The following RSPO1 variants were observed in gnomAD, a reference collection of about 807,000 sequenced individuals.
RSPO1 encodes R-spondin 1.
A neutral mutation model predicts 26.0 loss-of-function variants in RSPO1; 18 were observed. The ratio of observed to expected loss-of-function variants is 0.69; its 90% CI spans 0.48 to 1.03. The LOEUF is 1.03. RSPO1 is among the 50% of genes least tolerant of loss of function. The pLI is 0.00. For missense variants in RSPO1, 309 were observed against 352.3 expected, an observed-to-expected ratio of 0.88 and a Z score of 0.98; for synonymous variants, 133 against 137.4, an observed-to-expected ratio of 0.97 and a Z score of 0.22.
intron 1 of RSPO1, among the ~76,000 whole-genome samples, chr1:37,632,948 G>C (rs1644381001): frequency 6.6e-6 from 1 of 152,138 alleles, no homozygotes; most frequent in South Asian, 2.1e-4. Context: ...GGCACTGGCA[G>C]TTTATGTTTT....
intron 4 of RSPO1, among the ~76,000 whole-genome samples, chr1:37,615,286 G>C (rs1324062957): frequency 6.6e-6 from 1 of 152,136 alleles, no homozygotes; most frequent in Non-Finnish European, 1.5e-5. Flanking sequence ...TCTGATTCCT[G>C]GGTTTGGTTG....
chr1:37,619,920 T>G (rs1644175021), intron 3 of RSPO1, among the ~76,000 whole-genome samples: 1 of 152,016 alleles, frequency 6.6e-6, no homozygotes. Context: ...TCTAAGTTTT[T>G]GTATTTTTAG....
rs779977844 is a variant in RSPO1 at position 37,616,556 on chromosome 1, C to T, written c.214G>A (p.Val72Met). Residue 72 changes from valine to methionine, a missense_variant, in exon 4 of 7, where the codon GTG (valine) becomes ATG (methionine). Transcript: ENST00000356545. ...GGGCAGGACGGCAAGCAGACGCCCA[C>T]CTGGCGGATGTCGTTCCTCTCCAGC... ...ILLERNDIRQ[V>M]GVCLPSCPPG... 1.4e-5 allele frequency: 22 copies of T among 1,614,102 alleles called. No individual in the cohort carries two copies. Among genetic ancestry groups the T allele is most frequent in the East Asian group, 2.2e-5 (1 of 44,894 alleles).
At chr1:37,618,988 GAGATGGGT>G (rs1286636646) in intron 3 of RSPO1, among the ~76,000 whole-genome samples, 2 of 152,192 alleles carry the variant, frequency 1.3e-5, no homozygotes, top group Admixed American at 1.3e-4. Context: ...TTGGGAGGCT[GAGATGGGT>G]GGATCACCTG....
rs1185610473 is a variant in RSPO1 at position 37,611,970 on chromosome 1, A to G, written c.*785T>C. The G allele has an allele frequency of 3.9e-5, 6 of 152,152 alleles. No homozygotes were observed. Among genetic ancestry groups the G allele is most frequent in the Non-Finnish European group, 5.9e-5 (4 of 68,058 alleles). 9.4% of individuals were successfully genotyped at this position (152,152 alleles called of 1,614,324 possible). A position where few individuals can be genotyped will look rare whatever the true frequency, so the allele number is the denominator to read the frequency against. On this transcript the variant is annotated 3_prime_UTR_variant, in exon 7 of 7. Coordinates refer to ENST00000356545, the MANE Select transcript of RSPO1 (RefSeq NM_001242908.2). ...CATGCTCTGAGTAACAAGGATATAG[A>G]CAGCCTGTTTACCACCGTCAGAGCA...
In RSPO1 at chr1:37,613,468, C is replaced by T. The variant is rs985420347; in HGVS notation, c.625+236G>A. The stretch of plus-strand genomic sequence containing the variant: ...CACTAGCTCAGAAGAAATGGGGGAA[C>T]CGGAAGGATGTTGACCACAGAAGCT... On this transcript the variant is annotated intron_variant, in intron 6 of 6. Coordinates refer to ENST00000356545, the MANE Select transcript of RSPO1 (RefSeq NM_001242908.2). The surrounding 1 kb of genome is among the most constrained non-coding windows in gnomAD (Gnocchi z 4.5). 1.3e-5 allele frequency among the ~76,000 whole-genome samples: 2 copies of T among 152,208 alleles called. No homozygotes were observed. The highest frequency in any genetic ancestry group is 1.3e-4 in the Admixed American group (2 of 15,278).
chr1:37,612,329 C>T lies in RSPO1; in HGVS notation c.*426G>A, dbSNP rs114357658. 2.7e-3 allele frequency: 597 copies of T among 221,930 alleles called. 1 individual carries two copies. Among genetic ancestry groups the T allele is most frequent in the Non-Finnish European group, 3.6e-3 (398 of 109,724 alleles). 13.7% of individuals were successfully genotyped at this position (221,930 alleles called of 1,614,324 possible). ...CACCAGCAGTCCTCAAGCTTGGCTC[C>T]CATCTGCCACAGTGGCTGGTCCGAT... is the stretch of plus-strand genomic sequence containing the variant. On this transcript the variant is annotated 3_prime_UTR_variant, in exon 7 of 7. Coordinates refer to ENST00000356545, the MANE Select transcript of RSPO1 (RefSeq NM_001242908.2).
intron 3 of RSPO1, among the ~76,000 whole-genome samples, chr1:37,617,795 C>A (rs1203349788): frequency 6.6e-6 from 1 of 151,676 alleles, no homozygotes; most frequent in Non-Finnish European, 1.5e-5. Flanking sequence ...CTTCCATGGA[C>A]CTTGCGCAGT....
At chr1:37,625,770 C>T (rs1644266697) in intron 3 of RSPO1, among the ~76,000 whole-genome samples, 1 of 152,016 alleles carries the variant, frequency 6.6e-6, no homozygotes, top group Non-Finnish European at 1.5e-5. Context: ...CCTCCGCCTC[C>T]CAGGTACAAG....
At position 37,614,327 on chromosome 1, in the gene RSPO1, T is replaced by C. The variant is rs1220776536; in HGVS notation, c.293A>G (p.Lys98Arg). The change falls in exon 5 of 7, where the codon AAG becomes AGG. Residue 98 changes from lysine to arginine, a missense_variant. By Grantham distance (26) the Lys-to-Arg change is conservative (BLOSUM62 2). Coordinates refer to ENST00000356545, the MANE Select transcript of RSPO1 (RefSeq NM_001242908.2). ...GAAGCAGGCCTCACAGTGCTCGATCTTGCATTCTGAGGAGAGGACAGATTG... is the reference window on the plus strand; with the variant it reads ...GAAGCAGGCCTCACAGTGCTCGATCCTGCATTCTGAGGAGAGGACAGATTG... ...NPDMNKCIKCKIEHCEACFSH... is the reference protein window; with the variant it reads ...NPDMNKCIKCRIEHCEACFSH... The C allele has an allele frequency of 6.2e-7, 1 of 1,613,662 alleles. No individual in the cohort carries two copies. The highest frequency in any genetic ancestry group is 2.2e-5 in the East Asian group (1 of 44,882).
chr1:37,617,661 C>CAAAAAA lies in RSPO1; in HGVS notation c.95-992_95-987dup, dbSNP rs34856591. Among the ~76,000 whole-genome samples the CAAAAAA allele has an allele frequency of 8.8e-4, 32 of 36,344 alleles. 4 individuals carry two copies. Among genetic ancestry groups the CAAAAAA allele is most frequent in the East Asian group, 1.9e-3 (2 of 1,028 alleles). 23.8% of individuals were successfully genotyped at this position (36,344 alleles called of 152,430 possible). A position where few individuals can be genotyped will look rare whatever the true frequency, so the allele number is the denominator to read the frequency against. On this transcript the variant is annotated intron_variant, in intron 3 of 6. Transcript: ENST00000356545. Reference sequence around the variant, plus strand: ...CGGATGACAGAGCAAGACTCCATCTCAAAAAAAAAAAAAAAAAAAAAAAAA... The same window carrying CAAAAAA: ...CGGATGACAGAGCAAGACTCCATCTCAAAAAAAAAAAAAAAAAAAAAAAAAAAAAAA...
rs1644304726 is a variant in RSPO1, at chr1:37,628,103, A to G, written c.94+1465T>C. On this transcript the variant is annotated intron_variant, in intron 3 of 6. Coordinates refer to ENST00000356545, the MANE Select transcript of RSPO1 (RefSeq NM_001242908.2). ...GTGACCTCTGGTTTAGCCAGGCATG[A>G]GGCTCTGCATGGGTGAGGGTCAGCG... Among the ~76,000 whole-genome samples the G allele has an allele frequency of 2.0e-5, 3 of 152,330 alleles. No individual in the cohort carries two copies. In the South Asian group the frequency reaches 6.2e-4, roughly 32 times the overall value.
chr1:37,621,513 A>G (rs545691874), intron 3 of RSPO1, among the ~76,000 whole-genome samples: 53 of 152,212 alleles, frequency 3.5e-4, no homozygotes, highest in African/African-American at 1.2e-3. Context: ...TGATGCATTC[A>G]ACAAGAGGGG....
At chr1:37,632,792 G>T (rs538351866) in intron 1 of RSPO1, among the ~76,000 whole-genome samples, 1 of 152,180 alleles carries the variant, frequency 6.6e-6, no homozygotes, top group African/African-American at 2.4e-5. Context: ...CCCCATATGC[G>T]CACACACAGG....
chr1:37,623,709 C>G (rs1644235969), intron 3 of RSPO1, among the ~76,000 whole-genome samples: 1 of 150,552 alleles, frequency 6.6e-6, no homozygotes, highest in South Asian at 2.1e-4. Flanking sequence ...AAGACCCCAC[C>G]TCAAAAGGAA....
At position 37,626,068 on chromosome 1, in the gene RSPO1, C is replaced by T. The variant is rs72929305; in HGVS notation, c.94+3500G>A. ...GTTTGCTTCCCGCCTCAAGCCACCT[C>T]CCCCACCCTCTATGCAGCTGGGCTC... On this transcript the variant is annotated intron_variant, in intron 3 of 6. Coordinates refer to ENST00000356545, the MANE Select transcript of RSPO1 (RefSeq NM_001242908.2). Among the ~76,000 whole-genome samples, 268 of 152,220 alleles carry T rather than the reference C, an allele frequency of 1.8e-3. 1 individual carries two copies. Among genetic ancestry groups the T allele is most frequent in the African/African-American group, 6.2e-3 (258 of 41,536 alleles).
chr1:37,626,098 C>T (rs562404053), intron 3 of RSPO1, among the ~76,000 whole-genome samples: 1 of 152,096 alleles, frequency 6.6e-6, no homozygotes. Flanking sequence ...GGGCTCTGGG[C>T]TCCTTGATGA....
Position 37,616,479 on chromosome 1 carries a change from C to T in RSPO1, c.286+5G>A. Reference sequence around the variant, plus strand: ...CCTGCCCCCGACAGCCCTGCCCACACTCACTGATGCACTTGTTCATGTCGG... The same window carrying T: ...CCTGCCCCCGACAGCCCTGCCCACATTCACTGATGCACTTGTTCATGTCGG... On this transcript the variant is annotated splice_donor_5th_base_variant and intron_variant, in intron 4 of 6. Transcript: ENST00000356545. The T allele has an allele frequency of 6.2e-7, 1 of 1,614,032 alleles. No individual in the cohort carries two copies. The highest frequency in any genetic ancestry group is 8.5e-7 in the Non-Finnish European group (1 of 1,179,932).
chr1:37,620,989 A>G (rs959011881), intron 3 of RSPO1, among the ~76,000 whole-genome samples: 2 of 152,176 alleles, frequency 1.3e-5, no homozygotes, highest in African/African-American at 4.8e-5. Context: ...TGCCATACTC[A>G]TTTATTCCTT....
Sources: allele counts gnomAD v4.1 joint callset (sites outside exome capture counted in the v4.1 genomes callset), GRCh38; gene constraint gnomAD v4.1.1; non-coding constraint Gnocchi (gnomAD v3.1); transcripts MANE v1.5; gene names NCBI Gene and HGNC (gene_info 2026-07-23, HGNC 2026-07-21).